The following TRPM7 variants were observed in gnomAD, a reference collection of about 807,000 sequenced individuals.
TRPM7 encodes LTRPC ion channel family member 7.
TRPM7 carries 134 observed loss-of-function variants against 229.7 expected under a neutral mutation model. That is an observed-to-expected ratio of 0.58 (90% CI 0.51 to 0.67). The LOEUF is 0.67. Ranked by LOEUF, TRPM7 falls within the 30% of genes least tolerant of loss-of-function variation. TRPM7 has a pLI of 0.00. For synonymous variants in TRPM7, 699 were observed against 715.2 expected (o/e 0.98, Z 0.36); for missense variants, 1,901 against 2,210.0 (o/e 0.86, Z 2.80).
In TRPM7 at chr15:50,557,924, G is replaced by T. The variant is rs1304551586; in HGVS notation, c.*3754C>A. On this transcript the variant is annotated 3_prime_UTR_variant, in exon 39 of 39. Transcript: ENST00000646667. Reference sequence around the variant, plus strand: ...CTCCCAAAGTGATGGAATTACAGGCGTGAGCCACTGCACCTGGCCGAGAAT... The same window carrying T: ...CTCCCAAAGTGATGGAATTACAGGCTTGAGCCACTGCACCTGGCCGAGAAT... 1 of 152,216 alleles carries T rather than the reference G, an allele frequency of 6.6e-6. No homozygotes were observed. The highest frequency in any genetic ancestry group is 2.4e-5 in the African/African-American group (1 of 41,438). 9.4% of individuals were successfully genotyped at this position (152,216 alleles called of 1,614,324 possible). A position where few individuals can be genotyped will look rare whatever the true frequency, so the allele number is the denominator to read the frequency against.
intron 16 of TRPM7, 48 bp from the exon 17 acceptor site, chr15:50,611,369 T>C (rs775858328): frequency 1.4e-6 from 2 of 1,414,062 alleles, no homozygotes; most frequent in East Asian, 2.4e-5. Context: ...CAAACTGCAA[T>C]TTTAAACCAC....
At chr15:50,680,522 T>C (rs985855937) in intron 1 of TRPM7, among the ~76,000 whole-genome samples, 1 of 150,876 alleles carries the variant, frequency 6.6e-6, no homozygotes, top group Non-Finnish European at 1.5e-5. Flanking sequence ...TGAGCCAAGA[T>C]CGCACCACTG....
chr15:50,677,738 C>CAAAAAAAA (rs10652951), intron 1 of TRPM7, among the ~76,000 whole-genome samples: 9 of 38,132 alleles, frequency 2.4e-4, no homozygotes, highest in African/African-American at 7.0e-4. Flanking sequence ...GACCCCGTAT[C>CAAAAAAAA]AAAAAAAAAA....
intron 28 of TRPM7, among the ~76,000 whole-genome samples, chr15:50,583,856 G>A (rs973461238): frequency 1.3e-5 from 2 of 152,184 alleles, no homozygotes; most frequent in African/African-American, 4.8e-5. Context: ...TTACAGGTGT[G>A]AGCCACTGCG....
At chr15:50,613,150 T>C (rs975459334) in intron 15 of TRPM7, among the ~76,000 whole-genome samples, 2 of 152,206 alleles carry the variant, frequency 1.3e-5, no homozygotes, top group African/African-American at 4.8e-5. Flanking sequence ...AAAACTGGAA[T>C]GAAAGGAGTC....
chr15:50,665,542 CTT>C (rs2061857868), intron 1 of TRPM7, among the ~76,000 whole-genome samples: 1 of 152,060 alleles, frequency 6.6e-6, no homozygotes. Flanking sequence ...ACATTCAACA[CTT>C]TATATAACTT....
intron 38 of TRPM7, among the ~76,000 whole-genome samples, chr15:50,564,990 G>A (rs1025632053): frequency 7.9e-5 from 12 of 151,648 alleles, no homozygotes; most frequent in African/African-American, 2.7e-4. Context: ...GAAGGATCTG[G>A]GCCAGATTGC....
chr15:50,632,831 C>A, intron 9 of TRPM7, 38 bp downstream of exon 9: 2 of 1,489,034 alleles, frequency 1.3e-6, no homozygotes, highest in East Asian at 2.5e-5. Flanking sequence ...AGAAAAATGG[C>A]CTATCAGCTT....
At chr15:50,634,615 G>GA (rs1359033157) in intron 7 of TRPM7, 59 bp from the exon 8 acceptor site, 504 of 1,241,200 alleles carry the variant, frequency 4.1e-4, no homozygotes, top group South Asian at 6.5e-4. Flanking sequence ...TTCTCTCCAA[G>GA]AAAAAAAAAT....
intron 13 of TRPM7, among the ~76,000 whole-genome samples, chr15:50,617,230 G>A (rs545031407): frequency 2.6e-5 from 4 of 151,852 alleles, no homozygotes; most frequent in East Asian, 1.9e-4. Flanking sequence ...CCAGCTACTC[G>A]GGAGGCTGAT....
At chr15:50,635,442 T>C (rs1430142375) in intron 7 of TRPM7, among the ~76,000 whole-genome samples, 1 of 148,626 alleles carries the variant, frequency 6.7e-6, no homozygotes, top group African/African-American at 2.5e-5. Flanking sequence ...GTCGGGCAGA[T>C]CACGAGGTCA....
intron 4 of TRPM7, among the ~76,000 whole-genome samples, chr15:50,648,220 TA>T (rs1356000802): frequency 6.6e-6 from 1 of 151,960 alleles, no homozygotes; most frequent in Non-Finnish European, 1.5e-5. Flanking sequence ...GATGACTGTA[TA>T]AATAATATGC....
chr15:50,565,947 C>T (rs770990379), intron 38 of TRPM7, among the ~76,000 whole-genome samples: 8 of 151,838 alleles, frequency 5.3e-5, no homozygotes, highest in Non-Finnish European at 8.8e-5. Context: ...CCTTGGCTTA[C>T]TGAGTAGCTG....
intron 13 of TRPM7, among the ~76,000 whole-genome samples, chr15:50,615,827 C>T (rs1001458559): frequency 2.0e-5 from 3 of 151,904 alleles, no homozygotes; most frequent in Non-Finnish European, 2.9e-5. Flanking sequence ...ACCCAGGATG[C>T]GGAAGTTGCA....
chr15:50,596,254 C>A lies in TRPM7; in HGVS notation c.3290+1G>T. On this transcript the variant is annotated splice_donor_variant, in intron 23 of 38. Coordinates refer to ENST00000646667, the MANE Select transcript of TRPM7 (RefSeq NM_017672.6). LOFTEE classifies it high-confidence loss of function. ...AACAAACAATTGAACAAAATTCTTA[C>A]TTGAAAAATGCAATAAGAAGATTAA... is the stretch of plus-strand genomic sequence containing the variant. 6.7e-7 allele frequency: 1 copy of A among 1,494,134 alleles called. No homozygotes were observed. Among genetic ancestry groups the A allele is most frequent in the South Asian group, 1.4e-5 (1 of 72,574 alleles). 92.6% of individuals were successfully genotyped at this position (1,494,134 alleles called of 1,614,324 possible).
intron 22 of TRPM7, among the ~76,000 whole-genome samples, chr15:50,597,602 A>C (rs968232822): frequency 3.9e-5 from 6 of 152,216 alleles, no homozygotes; most frequent in African/African-American, 1.4e-4. Flanking sequence ...ACACAATTAG[A>C]GTCATATCAT....
chr15:50,623,491 CCTCCCCGCCCCGCCCT>C (rs1175186778), intron 12 of TRPM7, among the ~76,000 whole-genome samples: 1 of 140,172 alleles, frequency 7.1e-6, no homozygotes, highest in Non-Finnish European at 1.5e-5. Flanking sequence ...TGCCCCGCCC[CCTCCCCGCCCCGCCCT>C]GGATTTGGGG....
intron 36 of TRPM7, among the ~76,000 whole-genome samples, 195 bp from the exon 37 acceptor site, chr15:50,570,350 G>C (rs1213320616): frequency 2.0e-5 from 3 of 152,116 alleles, no homozygotes; most frequent in African/African-American, 7.2e-5. Context: ...CATTCTACCA[G>C]GGAGAGGCAT....
intron 38 of TRPM7, among the ~76,000 whole-genome samples, chr15:50,563,352 T>C (rs1026261758): frequency 6.6e-6 from 1 of 152,198 alleles, no homozygotes. Flanking sequence ...ACAGATACAA[T>C]ACAAATCCAC....
Sources: allele counts gnomAD v4.1 joint callset (sites outside exome capture counted in the v4.1 genomes callset), GRCh38; gene constraint gnomAD v4.1.1; transcripts MANE v1.5; gene names NCBI Gene and HGNC (gene_info 2026-07-23, HGNC 2026-07-21).